The following HEATR1 variants were observed in gnomAD, a reference collection of about 807,000 sequenced individuals.
HEATR1 encodes HEAT repeat containing 1.
Under a neutral mutation model 248.2 loss-of-function variants are expected in HEATR1, and 77 were observed. That is an observed-to-expected ratio of 0.31 (90% CI 0.26 to 0.37). The LOEUF (loss-of-function observed/expected upper bound fraction) is 0.37, where lower values mean the gene tolerates loss of function less well. Among genes scored for constraint, HEATR1 ranks in the 10% least tolerant of loss-of-function variants. The pLI, the probability that HEATR1 is intolerant of heterozygous loss-of-function variation, is 1.00. For missense variants in HEATR1, 2,420 were observed against 2,504.9 expected (o/e 0.97, Z 0.72); for synonymous variants, 897 against 923.1 (o/e 0.97, Z 0.51).
chr1:236,569,681 G>A (rs544334950), intron 28 of HEATR1, among the ~76,000 whole-genome samples: 1 of 152,250 alleles, frequency 6.6e-6, no homozygotes, highest in African/African-American at 2.4e-5. Flanking sequence ...ACAGGCTGCT[G>A]GTGGAAGCAA....
chr1:236,558,673 G>A (rs1261332836), intron 35 of HEATR1, 144 bp from the exon 36 acceptor site: 2 of 820,672 alleles, frequency 2.4e-6, no homozygotes, highest in African/African-American at 1.7e-5. Flanking sequence ...CGATGTGCAT[G>A]TTCTAGCCAG....
intron 41 of HEATR1, 118 bp downstream of exon 41, chr1:236,555,178 T>A: frequency 9.6e-7 from 1 of 1,044,612 alleles, no homozygotes; most frequent in South Asian, 1.6e-5. Flanking sequence ...TCACCCTCCT[T>A]AGCTTAGGAC....
intron 36 of HEATR1, among the ~76,000 whole-genome samples, chr1:236,557,761 A>C (rs1663016108): frequency 6.6e-6 from 1 of 152,232 alleles, no homozygotes; most frequent in African/African-American, 2.4e-5. Flanking sequence ...ATTTGGCAGC[A>C]GAAGGCAGCT....
At chr1:236,580,969 G>A (rs773764188) in intron 20 of HEATR1, among the ~76,000 whole-genome samples, 16 of 149,914 alleles carry the variant, frequency 1.1e-4, no homozygotes, top group African/African-American at 3.4e-4. Flanking sequence ...ACAGGCACAT[G>A]CCACCACGCC....
At chr1:236,574,106 T>C (rs756109486) in intron 24 of HEATR1, 96 bp downstream of exon 24, 245 of 1,110,818 alleles carry the variant, frequency 2.2e-4, no homozygotes, top group Non-Finnish European at 3.0e-4. Context: ...TCTGACCTCT[T>C]ACAAGCACTA....
intron 31 of HEATR1, 43 bp from the exon 32 acceptor site, chr1:236,564,704 G>A (rs1327780054): frequency 6.4e-7 from 1 of 1,560,894 alleles, no homozygotes; most frequent in African/African-American, 1.4e-5. Flanking sequence ...ATTTTCACCT[G>A]AATCCTTCAT....
At chr1:236,562,781 CT>C (rs1366379719) in intron 32 of HEATR1, among the ~76,000 whole-genome samples, 11 of 152,216 alleles carry the variant, frequency 7.2e-5, no homozygotes, top group Admixed American at 5.2e-4. Context: ...TCCAAGTTTT[CT>C]TCTGTGTCCC....
chr1:236,597,408 A>G (rs1018173317), intron 5 of HEATR1, among the ~76,000 whole-genome samples: 6 of 151,896 alleles, frequency 4.0e-5, no homozygotes, highest in Non-Finnish European at 7.4e-5. Flanking sequence ...ATGCCCCACC[A>G]TGCCCAGTTT....
Position 236,552,076 on chromosome 1 carries a change from G to A in HEATR1, c.6269C>T (p.Ala2090Val), listed in dbSNP as rs1426862625. ...VRFAALITVL[A>V]LAEKLKENYI... ...ATTCTCCTTTAGTTTTTCAGCCAGT[G>A]CTAACACAGTAATCAAAGCAGCAAA... is the stretch of plus-strand genomic sequence containing the variant. The change falls in exon 44 of 45, where the codon GCA (alanine) becomes GTA (valine). Residue 2090 changes from alanine to valine, a missense_variant. Ala to Val is a moderately conservative substitution (Grantham distance 64). Coordinates refer to ENST00000366582, the MANE Select transcript of HEATR1 (RefSeq NM_018072.6). 1.2e-6 allele frequency: 2 copies of A among 1,613,132 alleles called. No homozygotes were observed. Among genetic ancestry groups the A allele is most frequent in the South Asian group, 2.2e-5 (2 of 91,028 alleles).
intron 13 of HEATR1, 75 bp from the exon 14 acceptor site, chr1:236,587,565 T>G (rs1339994074): frequency 1.7e-6 from 1 of 572,970 alleles, no homozygotes; most frequent in African/African-American, 1.9e-5. Flanking sequence ...ATGCGAATTT[T>G]AAAAAGAATG....
In HEATR1 at chr1:236,576,771, C is replaced by T. The variant is rs781773623; in HGVS notation, c.2925+9G>A. On this transcript the variant is annotated intron_variant, in intron 21 of 44. Transcript: ENST00000366582. The stretch of plus-strand genomic sequence containing the variant: ...GAACACACTCAATCTTCTTTGCTAA[C>T]GAGCTTACCTGAATAACATAGGCAG... The T allele has an allele frequency of 1.9e-5, 31 of 1,602,004 alleles. No homozygotes were observed. The highest frequency in any genetic ancestry group is 3.3e-4 in the Middle Eastern group (2 of 6,028).
chr1:236,581,772 G>C (rs1460147941), intron 19 of HEATR1, among the ~76,000 whole-genome samples: 1 of 152,174 alleles, frequency 6.6e-6, no homozygotes, highest in African/African-American at 2.4e-5. Flanking sequence ...CTGACCACTG[G>C]GCCTGGCAAC....
Position 236,577,635 on chromosome 1 carries a change from C to T in HEATR1, c.2756-686G>A, listed in dbSNP as rs181380535. On this transcript the variant is annotated intron_variant, in intron 20 of 44. Coordinates refer to ENST00000366582, the MANE Select transcript of HEATR1 (RefSeq NM_018072.6). ...TCCCAAGTAGCTGGGATTACAGGCA[C>T]GCGCCACCACATCCGGCTAATTTTG... is the stretch of plus-strand genomic sequence containing the variant. 8.9e-4 allele frequency among the ~76,000 whole-genome samples: 136 copies of T among 151,978 alleles called. 1 individual carries two copies. In the South Asian group the frequency reaches 0.011, roughly 13 times the overall value.
In HEATR1 at chr1:236,550,571, T is replaced by A. The variant is rs1662682026; in HGVS notation, c.*331A>T. 1 of 235,592 alleles carries A rather than the reference T, an allele frequency of 4.2e-6. No homozygotes were observed. The highest frequency in any genetic ancestry group is 2.3e-5 in the African/African-American group (1 of 44,174). 14.6% of individuals were successfully genotyped at this position (235,592 alleles called of 1,614,324 possible). A position where few individuals can be genotyped will look rare whatever the true frequency, so the allele number is the denominator to read the frequency against. ...GAAGAGTTAAGGCTTACAGTGCAAA[T>A]GAGGCGTCAGCTTTGGGTGCTAAAA... On this transcript the variant is annotated 3_prime_UTR_variant, in exon 45 of 45. Transcript: ENST00000366582.
At chr1:236,577,000 A>G (rs1663579354) in intron 20 of HEATR1, 51 bp from the exon 21 acceptor site, 3 of 1,435,414 alleles carry the variant, frequency 2.1e-6, no homozygotes, top group Non-Finnish European at 2.8e-6. Flanking sequence ...AAACTGAAAC[A>G]GTACAAAATT....
At chr1:236,554,490 C>T in intron 42 of HEATR1, 108 bp downstream of exon 42, 1 of 995,608 alleles carries the variant, frequency 1.0e-6, no homozygotes. Flanking sequence ...GAAAAAACAA[C>T]CTTACAAAGA....
At chr1:236,594,608 C>T (rs1664125113) in intron 8 of HEATR1, among the ~76,000 whole-genome samples, 1 of 152,156 alleles carries the variant, frequency 6.6e-6, no homozygotes, top group Non-Finnish European at 1.5e-5. Context: ...AATACATTTT[C>T]ATTTTGCTAG....
chr1:236,585,684 G>A (rs755257101), intron 16 of HEATR1, 136 bp downstream of exon 16: 1 of 687,646 alleles, frequency 1.5e-6, no homozygotes, highest in East Asian at 2.8e-5. Context: ...AAACAACACT[G>A]CAACGTTTAA....
intron 3 of HEATR1, among the ~76,000 whole-genome samples, chr1:236,601,116 A>C (rs760686492): frequency 6.6e-6 from 1 of 152,216 alleles, no homozygotes; most frequent in Non-Finnish European, 1.5e-5. Flanking sequence ...AGATGGAAAT[A>C]TTACAGACTT....
Sources: gnomAD v4.1 joint callset for allele counts (sites outside exome capture counted in the v4.1 genomes callset) on GRCh38, gnomAD v4.1.1 for gene constraint, MANE v1.5 for transcripts, NCBI Gene and HGNC (gene_info 2026-07-23, HGNC 2026-07-21) for gene names.